Variants in BAIAP2 observed in about 807,000 individuals in gnomAD.
BAIAP2 encodes BAR/IMD domain-containing adapter protein 2.
Under a neutral mutation model 63.0 loss-of-function variants are expected in BAIAP2, and 18 were observed. That is an observed-to-expected ratio of 0.29 (90% CI 0.20 to 0.42). BAIAP2 has a LOEUF of 0.42. Among genes scored for constraint, BAIAP2 ranks in the 10% least tolerant of loss-of-function variants. The probability of loss-of-function intolerance (pLI) is 1.00; values close to 1 mark genes in which losing one functional copy is unlikely to be tolerated. For missense variants in BAIAP2, 610 were observed against 734.3 expected (o/e 0.83, Z 1.96); for synonymous variants, 386 against 307.6 (o/e 1.25, Z -2.67).
At chr17:81,038,641 G>C (rs903178230) in intron 1 of BAIAP2, among the ~76,000 whole-genome samples, 2 of 152,258 alleles carry the variant, frequency 1.3e-5, no homozygotes, top group Admixed American at 1.3e-4. Context: ...GAGCCAGTTG[G>C]GTTTGCCGCC....
chr17:81,073,342 C>G (rs1261036466), intron 3 of BAIAP2, among the ~76,000 whole-genome samples: 1 of 152,082 alleles, frequency 6.6e-6, no homozygotes, highest in African/African-American at 2.4e-5. Context: ...AGTACCAGGC[C>G]GGGGTGGGGA....
At chr17:81,112,180 C>T (rs137937666) in intron 13 of BAIAP2, among the ~76,000 whole-genome samples, 12 of 152,350 alleles carry the variant, frequency 7.9e-5, no homozygotes, top group African/African-American at 2.4e-4. Flanking sequence ...CCAGGTCCCT[C>T]TGAGCTGAGG....
intron 3 of BAIAP2, among the ~76,000 whole-genome samples, chr17:81,082,093 C>G (rs960846247): frequency 2.0e-5 from 3 of 152,062 alleles, no homozygotes; most frequent in African/African-American, 7.2e-5. Context: ...GTCCTGGAGA[C>G]TGATCCAGCA....
chr17:81,053,525 C>A, intron 1 of BAIAP2, 143 bp from the exon 2 acceptor site: 1 of 829,142 alleles, frequency 1.2e-6, no homozygotes, highest in Non-Finnish European at 2.0e-6. Context: ...GGGATTTGAA[C>A]TTGGGAAGCC....
At chr17:81,036,593 C>T (rs980652724) in intron 1 of BAIAP2, among the ~76,000 whole-genome samples, 1 of 152,184 alleles carries the variant, frequency 6.6e-6, no homozygotes, top group South Asian at 2.1e-4. Context: ...AAGTTGGGGC[C>T]GCGTCAGTCT....
At chr17:81,113,802 C>T (rs1218400948) in intron 13 of BAIAP2, among the ~76,000 whole-genome samples, 2 of 152,140 alleles carry the variant, frequency 1.3e-5, no homozygotes, top group Non-Finnish European at 2.9e-5. Context: ...CTTCCTACCC[C>T]TGCAGCTCCC....
At chr17:81,036,814 T>G (rs2143226458) in intron 1 of BAIAP2, 1 of 1,455,752 alleles carries the variant, frequency 6.9e-7, no homozygotes, top group African/African-American at 1.4e-5. Flanking sequence ...GAGGGAGGTT[T>G]ATTAAATTAT....
At chr17:81,060,078 GCTC>G (rs2050282531) in intron 3 of BAIAP2, among the ~76,000 whole-genome samples, 1 of 152,190 alleles carries the variant, frequency 6.6e-6, no homozygotes, top group Non-Finnish European at 1.5e-5. Flanking sequence ...CTCTCCCCGG[GCTC>G]CTCCTGGAGC....
chr17:81,065,103 G>A (rs1423201349), intron 3 of BAIAP2, among the ~76,000 whole-genome samples: 2 of 152,158 alleles, frequency 1.3e-5, no homozygotes, highest in African/African-American at 2.4e-5. Context: ...TCCCAGGGGC[G>A]TCTGCTCCTC....
At chr17:81,062,536 T>TC (rs2050745866) in intron 3 of BAIAP2, among the ~76,000 whole-genome samples, 1 of 152,152 alleles carries the variant, frequency 6.6e-6, no homozygotes, top group Non-Finnish European at 1.5e-5. Flanking sequence ...CTGTTTCTTC[T>TC]CCTTTTGGAG....
At chr17:81,072,606 A>T (rs1226143791) in intron 3 of BAIAP2, among the ~76,000 whole-genome samples, 1 of 152,094 alleles carries the variant, frequency 6.6e-6, no homozygotes, top group Non-Finnish European at 1.5e-5. Context: ...CTCCTGGGAG[A>T]GCTCTGGCAG....
intron 3 of BAIAP2, among the ~76,000 whole-genome samples, chr17:81,076,797 C>T (rs1568123819): frequency 1.3e-5 from 2 of 152,072 alleles, no homozygotes; most frequent in African/African-American, 2.4e-5. Flanking sequence ...AGTGAGACCC[C>T]ATGTCTACAA....
chr17:81,092,945 C>T (rs899808258), intron 6 of BAIAP2, among the ~76,000 whole-genome samples: 3 of 152,014 alleles, frequency 2.0e-5, no homozygotes, highest in Admixed American at 6.5e-5. Context: ...TCCACAGGGC[C>T]CGGAATGGGG....
At position 81,045,091 on chromosome 17, in the gene BAIAP2, C is replaced by T. The variant is rs530554577; in HGVS notation, c.55-8577C>T. Reference sequence around the variant, plus strand: ...CTTTGCTGGGCTGCGGCTCCTCCTGCGTGGGCCGGGTCATGGTGTCCTGCG... The same window carrying T: ...CTTTGCTGGGCTGCGGCTCCTCCTGTGTGGGCCGGGTCATGGTGTCCTGCG... On this transcript the variant is annotated intron_variant, in intron 1 of 13. Transcript: ENST00000428708. 4.4e-3 allele frequency among the ~76,000 whole-genome samples: 664 copies of T among 152,338 alleles called. 7 individuals carry two copies. The highest frequency in any genetic ancestry group is 0.015 in the African/African-American group (636 of 41,570).
intron 3 of BAIAP2, among the ~76,000 whole-genome samples, chr17:81,059,073 A>C (rs576106433): frequency 2.0e-5 from 3 of 152,086 alleles, no homozygotes; most frequent in African/African-American, 7.2e-5. Flanking sequence ...CTGCGCCGGG[A>C]GGCAGACCTG....
At chr17:81,098,315 C>T (rs1484685356) in intron 6 of BAIAP2, 5 of 606,684 alleles carry the variant, frequency 8.2e-6, no homozygotes, top group East Asian at 3.5e-5. Flanking sequence ...GCCACTCTCT[C>T]CCCCAAACTC....
chr17:81,055,824 C>G (rs1467342534), intron 2 of BAIAP2, among the ~76,000 whole-genome samples: 1 of 152,048 alleles, frequency 6.6e-6, no homozygotes, highest in Non-Finnish European at 1.5e-5. Context: ...CTCAGCCTCC[C>G]AAAGTGCCTA....
intron 3 of BAIAP2, among the ~76,000 whole-genome samples, chr17:81,070,586 C>T (rs778296767): frequency 6.6e-6 from 1 of 152,156 alleles, no homozygotes; most frequent in Non-Finnish European, 1.5e-5. Flanking sequence ...AGGAGAAGGC[C>T]CTGGCGTGCC....
intron 2 of BAIAP2, among the ~76,000 whole-genome samples, chr17:81,055,574 G>GTTTTTTTTTTTTTTTTTT (rs1555657874): frequency 4.9e-5 from 6 of 123,410 alleles, no homozygotes; most frequent in Non-Finnish European, 1.0e-4. Context: ...AGGGTGTTTT[G>GTTTTTTTTTTTTTTTTTT]TTTTTTTTTG....
Sources: allele counts gnomAD v4.1 joint callset (sites outside exome capture counted in the v4.1 genomes callset), GRCh38; gene constraint gnomAD v4.1.1; transcripts MANE v1.5; gene names NCBI Gene and HGNC (gene_info 2026-07-23, HGNC 2026-07-21).